SDK1: variants seen among roughly 807,000 people sequenced by gnomAD.
SDK1 encodes sidekick cell adhesion molecule 1, also known as protein sidekick-1.
In SDK1, 157 loss-of-function variants were observed where a neutral mutation model predicts 245.5. The ratio of observed to expected loss-of-function variants is 0.64; its 90% CI spans 0.56 to 0.73. The LOEUF (loss-of-function observed/expected upper bound fraction) is 0.73, where lower values mean the gene tolerates loss of function less well. Ranked by LOEUF, SDK1 falls within the 30% of genes least tolerant of loss-of-function variation. The pLI is 0.00. For synonymous variants in SDK1, 1,647 were observed against 1,278.5 expected, an observed-to-expected ratio of 1.29 and a Z score of -6.15; for missense variants, 3,583 against 3,002.3, an observed-to-expected ratio of 1.19 and a Z score of -4.52.
At chr7:3,597,547 C>A (rs556251311) in intron 1 of SDK1, among the ~76,000 whole-genome samples, 2 of 152,118 alleles carry the variant, frequency 1.3e-5, no homozygotes, top group Non-Finnish European at 2.9e-5. Flanking sequence ...GAGAGAACTT[C>A]CTTATTATGC....
At chr7:3,650,870 G>C (rs1248129240) in intron 4 of SDK1, among the ~76,000 whole-genome samples, 2 of 150,170 alleles carry the variant, frequency 1.3e-5, no homozygotes, top group African/African-American at 4.9e-5. Context: ...GATTCATCCA[G>C]GTTATTGTCT....
chr7:3,669,065 T>C (rs1340931857), intron 4 of SDK1, among the ~76,000 whole-genome samples: 4 of 152,106 alleles, frequency 2.6e-5, no homozygotes, highest in Non-Finnish European at 4.4e-5. Flanking sequence ...TGAGAGAATC[T>C]AAAAAGGACA....
At chr7:3,890,313 A>G (rs761970444) in intron 5 of SDK1, among the ~76,000 whole-genome samples, 11 of 152,236 alleles carry the variant, frequency 7.2e-5, no homozygotes, top group Non-Finnish European at 1.2e-4. Flanking sequence ...GATACGTGCT[A>G]TGTGTGAAAT....
chr7:4,139,533 G>GTGTATATATGTGTGTGTATA (rs1779360867), intron 28 of SDK1, among the ~76,000 whole-genome samples: 1 of 11,624 alleles, frequency 8.6e-5, no homozygotes, highest in Admixed American at 1.2e-3. Context: ...GTATGTGTGT[G>GTGTATATATGTGTGTGTATA]TGTATATATG....
intron 14 of SDK1, among the ~76,000 whole-genome samples, chr7:3,990,447 G>A (rs1784211896): frequency 6.6e-6 from 1 of 152,270 alleles, no homozygotes; most frequent in Non-Finnish European, 1.5e-5. Flanking sequence ...ACCGAACGGG[G>A]AAGGCCAGGG....
intron 5 of SDK1, among the ~76,000 whole-genome samples, chr7:3,886,358 G>T (rs1583513548): frequency 6.6e-6 from 1 of 152,248 alleles, no homozygotes; most frequent in Admixed American, 6.5e-5. Flanking sequence ...AGCATGCGCT[G>T]TACGGCTGTA....
At chr7:3,843,711 G>A (rs561399661) in intron 5 of SDK1, among the ~76,000 whole-genome samples, 11 of 152,272 alleles carry the variant, frequency 7.2e-5, no homozygotes, top group East Asian at 3.9e-4. Context: ...TAGGAAACTC[G>A]CCTGACGATG....
chr7:3,391,284 C>G (rs987907188), intron 1 of SDK1, among the ~76,000 whole-genome samples: 1 of 152,120 alleles, frequency 6.6e-6, no homozygotes, highest in Non-Finnish European at 1.5e-5. Context: ...TTAAAAATGA[C>G]TTTTCTGTCA....
At chr7:3,369,866 A>C (rs1435926459) in intron 1 of SDK1, among the ~76,000 whole-genome samples, 1 of 152,190 alleles carries the variant, frequency 6.6e-6, no homozygotes, top group Non-Finnish European at 1.5e-5. Flanking sequence ...TTCACTTAAG[A>C]AAGTGGGTAT....
At chr7:3,752,460 G>A (rs1779800260) in intron 4 of SDK1, among the ~76,000 whole-genome samples, 1 of 152,214 alleles carries the variant, frequency 6.6e-6, no homozygotes, top group Non-Finnish European at 1.5e-5. Context: ...GGAAAGAAGA[G>A]TCATGGGGAA....
At chr7:3,927,687 A>G (rs1779821051) in intron 5 of SDK1, among the ~76,000 whole-genome samples, 1 of 152,356 alleles carries the variant, frequency 6.6e-6, no homozygotes, top group East Asian at 1.9e-4. Context: ...GTCATGTCCA[A>G]CCTGTTTGCC....
At chr7:3,753,187 A>C (rs749369097) in intron 4 of SDK1, among the ~76,000 whole-genome samples, 12 of 152,194 alleles carry the variant, frequency 7.9e-5, no homozygotes, top group Non-Finnish European at 1.8e-4. Context: ...GTCATATTTA[A>C]ATTTCATGAC....
intron 1 of SDK1, among the ~76,000 whole-genome samples, chr7:3,595,862 A>C (rs71527452): frequency 6.8e-6 from 1 of 148,098 alleles, no homozygotes; most frequent in Non-Finnish European, 1.5e-5. Context: ...AAAAACAACA[A>C]CAAAAAAGGA....
intron 7 of SDK1, among the ~76,000 whole-genome samples, chr7:3,956,979 C>T (rs945332930): frequency 6.6e-6 from 1 of 152,116 alleles, no homozygotes; most frequent in Admixed American, 6.5e-5. Context: ...ACCCTGGGCC[C>T]GTAGGTGCCG....
At chr7:3,463,552 T>C (rs1322086106) in intron 1 of SDK1, among the ~76,000 whole-genome samples, 1 of 119,970 alleles carries the variant, frequency 8.3e-6, no homozygotes, top group Non-Finnish European at 1.6e-5. Context: ...TTAGTGCCAG[T>C]AAATGGGATC....
At chr7:4,109,348 C>T (rs1783175613) in intron 22 of SDK1, among the ~76,000 whole-genome samples, 1 of 152,238 alleles carries the variant, frequency 6.6e-6, no homozygotes, top group South Asian at 2.1e-4. Flanking sequence ...TCCTCTGCAT[C>T]CGTGTCGCCA....
intron 1 of SDK1, among the ~76,000 whole-genome samples, chr7:3,565,774 T>C (rs1779894439): frequency 6.6e-6 from 1 of 152,188 alleles, no homozygotes; most frequent in African/African-American, 2.4e-5. Flanking sequence ...GTAAATGCTA[T>C]GTTAAGTAGT....
intron 29 of SDK1, among the ~76,000 whole-genome samples, chr7:4,148,676 G>A (rs1780151126): frequency 6.6e-6 from 1 of 152,236 alleles, no homozygotes; most frequent in African/African-American, 2.4e-5. Flanking sequence ...CAGACACAGT[G>A]CCTGGTGGTC....
intron 4 of SDK1, among the ~76,000 whole-genome samples, chr7:3,663,314 G>A (rs1280573572): frequency 6.6e-6 from 1 of 152,188 alleles, no homozygotes; most frequent in Non-Finnish European, 1.5e-5. Flanking sequence ...TGGGATAATT[G>A]TAGGTGGAGT....
Sources: allele counts gnomAD v4.1 joint callset (sites outside exome capture counted in the v4.1 genomes callset), GRCh38; gene constraint gnomAD v4.1.1; transcripts MANE v1.5; gene names NCBI Gene and HGNC (gene_info 2026-07-23, HGNC 2026-07-21).